Variants in LRRTM4 observed in about 807,000 individuals in gnomAD.
The protein encoded by LRRTM4 is leucine rich repeat transmembrane neuronal 4.
Under a neutral mutation model 47.6 loss-of-function variants are expected in LRRTM4, and 25 were observed. That is an observed-to-expected ratio of 0.53 (90% CI 0.38 to 0.73). The LOEUF (loss-of-function observed/expected upper bound fraction) is 0.73. Ranked by LOEUF, LRRTM4 falls within the 30% of genes least tolerant of loss-of-function variation. LRRTM4 has a pLI of 0.00. For missense variants in LRRTM4, 638 were observed against 713.4 expected, an observed-to-expected ratio of 0.89 and a Z score of 1.20; for synonymous variants, 311 against 269.5, an observed-to-expected ratio of 1.15 and a Z score of -1.51.
In LRRTM4 at chr2:76,787,324, G is replaced by C. The variant is rs190063568; in HGVS notation, c.1552-38408C>G. On this transcript the variant is annotated intron_variant, in intron 3 of 3. Coordinates refer to ENST00000409884, the MANE Select transcript of LRRTM4 (RefSeq NM_001134745.3). ...ATAAATATATAGCCTGCTATTACTG[G>C]CAACTTCCTGGTCATAATTATTTTC... 1.3e-3 allele frequency among the ~76,000 whole-genome samples: 204 copies of C among 152,152 alleles called. 3 individuals carry two copies. The South Asian group carries it at 0.017, about 13-fold the overall frequency.
chr2:77,166,539 T>C (rs1013259199), intron 3 of LRRTM4, among the ~76,000 whole-genome samples: 6 of 152,194 alleles, frequency 3.9e-5, no homozygotes, highest in African/African-American at 1.4e-4. Flanking sequence ...GGCATTATGC[T>C]ACCTGACTTC....
intron 3 of LRRTM4, among the ~76,000 whole-genome samples, chr2:77,178,402 A>T (rs1673257048): frequency 1.3e-5 from 2 of 152,152 alleles, no homozygotes; most frequent in South Asian, 4.1e-4. Flanking sequence ...CCTGGCCAAC[A>T]TGGTGAAACC....
intron 3 of LRRTM4, among the ~76,000 whole-genome samples, chr2:76,846,089 T>A (rs1415830538): frequency 1.3e-5 from 2 of 152,132 alleles, no homozygotes; most frequent in Non-Finnish European, 2.9e-5. Flanking sequence ...AGTTTGGGAC[T>A]TGAGCATGTG....
chr2:77,209,010 A>C (rs547802647), intron 3 of LRRTM4, among the ~76,000 whole-genome samples: 1 of 152,052 alleles, frequency 6.6e-6, no homozygotes, highest in East Asian at 1.9e-4. Flanking sequence ...CCCTTATCTA[A>C]CCTTCACTCA....
At chr2:77,136,278 G>C (rs1382087522) in intron 3 of LRRTM4, among the ~76,000 whole-genome samples, 1 of 152,160 alleles carries the variant, frequency 6.6e-6, no homozygotes, top group African/African-American at 2.4e-5. Context: ...CTGAGACAAA[G>C]CTTCCAGAAG....
intron 3 of LRRTM4, among the ~76,000 whole-genome samples, chr2:76,873,928 TAA>T (rs1336138732): frequency 2.0e-5 from 3 of 151,974 alleles, no homozygotes; most frequent in African/African-American, 7.3e-5. Context: ...TGAAATTTTA[TAA>T]AGTTAATTTT....
intron 3 of LRRTM4, among the ~76,000 whole-genome samples, chr2:76,797,304 C>G (rs1027329068): frequency 5.9e-4 from 90 of 151,882 alleles, no homozygotes; most frequent in Non-Finnish European, 1.0e-3. Flanking sequence ...GAGTGGGGGC[C>G]AATATTCAAC....
At chr2:76,995,388 T>G (rs981418842) in intron 3 of LRRTM4, among the ~76,000 whole-genome samples, 5 of 152,050 alleles carry the variant, frequency 3.3e-5, no homozygotes, top group Non-Finnish European at 7.4e-5. Flanking sequence ...CTCTCCACCT[T>G]GGTTCTAAAT....
chr2:76,791,099 G>T (rs966188505), intron 3 of LRRTM4, among the ~76,000 whole-genome samples: 1 of 152,148 alleles, frequency 6.6e-6, no homozygotes, highest in Admixed American at 6.6e-5. Context: ...ATCCAGAATG[G>T]ACATTCTCTT....
intron 3 of LRRTM4, among the ~76,000 whole-genome samples, chr2:77,509,923 T>G (rs942890609): frequency 2.0e-5 from 3 of 152,164 alleles, no homozygotes; most frequent in South Asian, 2.1e-4. Flanking sequence ...TTTGTCCATG[T>G]TGTGGTTTGA....
intron 3 of LRRTM4, among the ~76,000 whole-genome samples, chr2:76,916,259 C>T (rs1240973133): frequency 1.3e-5 from 2 of 151,442 alleles, no homozygotes; most frequent in African/African-American, 4.8e-5. Flanking sequence ...TTGGCGGGCG[C>T]CTGTAGTCCC....
chr2:76,916,914 A>G (rs11892183), intron 3 of LRRTM4, among the ~76,000 whole-genome samples: 3,587 of 152,310 alleles, frequency 0.024, 143 homozygotes, highest in African/African-American at 0.075. Flanking sequence ...CACATTGCAA[A>G]TAACAGTTTC....
intron 3 of LRRTM4, among the ~76,000 whole-genome samples, chr2:77,033,427 GTTTT>G (rs777468664): frequency 3.7e-4 from 53 of 143,192 alleles, no homozygotes; most frequent in Non-Finnish European, 6.1e-4. Flanking sequence ...TAAATGCATA[GTTTT>G]TTTTACTCTT....
At chr2:77,241,069 A>G (rs1441646103) in intron 3 of LRRTM4, among the ~76,000 whole-genome samples, 2 of 152,026 alleles carry the variant, frequency 1.3e-5, no homozygotes, top group Non-Finnish European at 1.5e-5. Flanking sequence ...CTAAATTTGT[A>G]TAAAAAAGAA....
At chr2:76,780,752 C>T (rs893423812) in intron 3 of LRRTM4, among the ~76,000 whole-genome samples, 21 of 152,294 alleles carry the variant, frequency 1.4e-4, no homozygotes, top group African/African-American at 4.8e-4. Flanking sequence ...GTCTTCTTCT[C>T]TCAGCTTGTC....
At chr2:76,999,602 C>A (rs934511151) in intron 3 of LRRTM4, among the ~76,000 whole-genome samples, 1 of 152,090 alleles carries the variant, frequency 6.6e-6, no homozygotes, top group Non-Finnish European at 1.5e-5. Context: ...GAAGGGCATG[C>A]GAAATTTCTC....
At chr2:76,814,865 T>C (rs1203179525) in intron 3 of LRRTM4, among the ~76,000 whole-genome samples, 1 of 151,700 alleles carries the variant, frequency 6.6e-6, no homozygotes, top group East Asian at 1.9e-4. Flanking sequence ...TGTAAAGTTA[T>C]TAACTGTAAT....
At chr2:77,095,425 T>C (rs1670778900) in intron 3 of LRRTM4, among the ~76,000 whole-genome samples, 1 of 152,058 alleles carries the variant, frequency 6.6e-6, no homozygotes, top group Non-Finnish European at 1.5e-5. Context: ...GAAGTGAAAT[T>C]AATATGTCAA....
chr2:77,314,431 C>G (rs1327485285), intron 3 of LRRTM4, among the ~76,000 whole-genome samples: 1 of 152,040 alleles, frequency 6.6e-6, no homozygotes, highest in Non-Finnish European at 1.5e-5. Context: ...GATTTATAGC[C>G]TTTTATACAT....
Sources: gnomAD v4.1 joint callset for allele counts (sites outside exome capture counted in the v4.1 genomes callset) on GRCh38, gnomAD v4.1.1 for gene constraint, MANE v1.5 for transcripts, NCBI Gene and HGNC (gene_info 2026-07-23, HGNC 2026-07-21) for gene names.